Variants in LEMD3 observed in about 807,000 individuals in gnomAD.
LEMD3 encodes the protein LEM domain containing 3.
A neutral mutation model predicts 95.2 loss-of-function variants in LEMD3; 33 were observed. The ratio of observed to expected loss-of-function variants is 0.35; its 90% CI spans 0.26 to 0.46. The LOEUF is 0.46. LEMD3 is among the 20% of genes least tolerant of loss of function. LEMD3 has a pLI of 1.00. For synonymous variants in LEMD3, 525 were observed against 474.6 expected (o/e 1.11, Z -1.38); for missense variants, 1,210 against 1,192.8 (o/e 1.01, Z -0.21).
intron 1 of LEMD3, among the ~76,000 whole-genome samples, chr12:65,177,264 G>A (rs1868751347): frequency 6.6e-6 from 1 of 152,216 alleles, no homozygotes; most frequent in Non-Finnish European, 1.5e-5. Flanking sequence ...GATAGGGTTG[G>A]AGGGAAGGAG....
chr12:65,178,784 G>A (rs1318275350), intron 1 of LEMD3, among the ~76,000 whole-genome samples: 1 of 152,112 alleles, frequency 6.6e-6, no homozygotes, highest in African/African-American at 2.4e-5. Context: ...TCAGACAGTG[G>A]CTCTTAACTG....
At chr12:65,182,082 G>C (rs553257961) in intron 1 of LEMD3, among the ~76,000 whole-genome samples, 1 of 152,250 alleles carries the variant, frequency 6.6e-6, no homozygotes, top group East Asian at 1.9e-4. Flanking sequence ...AAGGTTACAA[G>C]TGATTTGTCC....
At chr12:65,173,135 A>C (rs1440955403) in intron 1 of LEMD3, among the ~76,000 whole-genome samples, 1 of 152,218 alleles carries the variant, frequency 6.6e-6, no homozygotes, top group Non-Finnish European at 1.5e-5. Flanking sequence ...TAGAAAGACC[A>C]TTTTAACACT....
intron 4 of LEMD3, among the ~76,000 whole-genome samples, chr12:65,223,915 A>G (rs988436169): frequency 3.0e-5 from 4 of 131,982 alleles, no homozygotes; most frequent in African/African-American, 5.8e-5. Context: ...TGTGGTTACT[A>G]TTGGGGCTTA....
In LEMD3 at chr12:65,246,997, A is replaced by G. The variant is rs1055275074; in HGVS notation, c.*672A>G. On this transcript the variant is annotated 3_prime_UTR_variant, in exon 13 of 13. Coordinates refer to ENST00000308330, the MANE Select transcript of LEMD3 (RefSeq NM_014319.5). The stretch of plus-strand genomic sequence containing the variant: ...AAGCTTTCCATTTTATTCATAATCT[A>G]ATGTGTGTGTATATATGTATGTGTG... 1.3e-5 allele frequency: 2 copies of G among 154,146 alleles called. No homozygotes were observed. Among genetic ancestry groups the G allele is most frequent in the Admixed American group, 6.5e-5 (1 of 15,466 alleles). 9.5% of individuals were successfully genotyped at this position (154,146 alleles called of 1,614,324 possible). A position where few individuals can be genotyped will look rare whatever the true frequency, so the allele number is the denominator to read the frequency against.
chr12:65,174,676 A>T (rs1868660918), intron 1 of LEMD3, among the ~76,000 whole-genome samples: 1 of 151,922 alleles, frequency 6.6e-6, no homozygotes, highest in Admixed American at 6.6e-5. Context: ...GTGTGTACAG[A>T]TTTTCATTCA....
At chr12:65,240,763 G>A in intron 8 of LEMD3, 146 bp from the exon 9 acceptor site, 2 of 684,718 alleles carry the variant, frequency 2.9e-6, no homozygotes, top group Non-Finnish European at 2.5e-6. Context: ...AATCTGAGAT[G>A]AGATATAGGC....
At chr12:65,209,846 G>A (rs941663197) in intron 1 of LEMD3, among the ~76,000 whole-genome samples, 1 of 151,812 alleles carries the variant, frequency 6.6e-6, no homozygotes, top group Non-Finnish European at 1.5e-5. Context: ...GGGACTTCCT[G>A]TTTTCTCAAA....
intron 1 of LEMD3, among the ~76,000 whole-genome samples, chr12:65,204,465 A>G (rs1393234010): frequency 6.6e-6 from 1 of 152,130 alleles, no homozygotes; most frequent in African/African-American, 2.4e-5. Context: ...TTTGCTGAGG[A>G]TAATGGCCTC....
intron 1 of LEMD3, among the ~76,000 whole-genome samples, chr12:65,173,653 T>G (rs1272042209): frequency 6.6e-6 from 1 of 152,216 alleles, no homozygotes; most frequent in Admixed American, 6.5e-5. Context: ...GGACAAAATT[T>G]GTTGTATTCC....
Position 65,195,361 on chromosome 12 carries a change from C to T in LEMD3, c.1523-15565C>T, listed in dbSNP as rs1049071241. ...ATAGCTCTCATTCTAAAATTTTAGT[C>T]GTGTGCCAGGTCTAAATACAAAACT... On this transcript the variant is annotated intron_variant, in intron 1 of 12. Coordinates refer to ENST00000308330, the MANE Select transcript of LEMD3 (RefSeq NM_014319.5). Among the ~76,000 whole-genome samples, 17 of 151,486 alleles carry T rather than the reference C, an allele frequency of 1.1e-4. No homozygotes were observed. The East Asian group carries it at 1.2e-3, about 10-fold the overall frequency.
intron 1 of LEMD3, among the ~76,000 whole-genome samples, chr12:65,209,738 A>G (rs762130333): frequency 6.6e-6 from 1 of 152,080 alleles, no homozygotes; most frequent in Admixed American, 6.6e-5. Context: ...CCTTATGATG[A>G]TAACAGGATA....
Position 65,170,953 on chromosome 12 carries a change from C to A in LEMD3, c.1357C>A (p.Leu453Ile). 6.2e-7 allele frequency: 1 copy of A among 1,614,232 alleles called. No homozygotes were observed. Among genetic ancestry groups the A allele is most frequent in the South Asian group, 1.1e-5 (1 of 91,092 alleles). ...KPKLSEPEEE[L>I]LQQFKREEVS... ...GAAGCTTTCCGAACCCGAAGAGGAACTTCTCCAGCAATTTAAACGGGAGGA... is the reference window on the plus strand; with the variant it reads ...GAAGCTTTCCGAACCCGAAGAGGAAATTCTCCAGCAATTTAAACGGGAGGA... Residue 453 changes from leucine (L) to isoleucine (I), a missense_variant, in exon 1 of 13, where the codon CTT (leucine) becomes ATT (isoleucine). Leu to Ile is a conservative substitution (Grantham distance 5, BLOSUM62 2). This residue lies in a region of LEMD3 where 461 missense variants were observed against 569.8 expected (regional missense o/e 0.81). Transcript: ENST00000308330.
chr12:65,185,696 A>G, intron 1 of LEMD3, among the ~76,000 whole-genome samples: 1 of 150,830 alleles, frequency 6.6e-6, no homozygotes, highest in Non-Finnish European at 1.5e-5. Flanking sequence ...TAATATATAT[A>G]GCATTTATTT....
intron 4 of LEMD3, among the ~76,000 whole-genome samples, chr12:65,223,656 CT>C (rs988017016): frequency 6.8e-5 from 10 of 147,144 alleles, no homozygotes; most frequent in Middle Eastern, 3.4e-3. Flanking sequence ...AAAATTGGAG[CT>C]TTTTTTTTTA....
chr12:65,206,681 T>C (rs1305969596), intron 1 of LEMD3, among the ~76,000 whole-genome samples: 1 of 152,064 alleles, frequency 6.6e-6, no homozygotes, highest in Non-Finnish European at 1.5e-5. Context: ...ACGGGATACT[T>C]TATATTTTTA....
chr12:65,199,139 T>A (rs1396955355), intron 1 of LEMD3, among the ~76,000 whole-genome samples: 1 of 152,144 alleles, frequency 6.6e-6, no homozygotes, highest in African/African-American at 2.4e-5. Flanking sequence ...TCTCTTAGAT[T>A]AAACTTTTTT....
intron 10 of LEMD3, 128 bp from the exon 11 acceptor site, chr12:65,245,541 C>A: frequency 1.4e-6 from 1 of 721,620 alleles, no homozygotes; most frequent in Non-Finnish European, 2.5e-6. Flanking sequence ...TTACTTAATA[C>A]CAATTAAAAT....
At chr12:65,175,510 A>G (rs1326513159) in intron 1 of LEMD3, among the ~76,000 whole-genome samples, 2 of 152,116 alleles carry the variant, frequency 1.3e-5, no homozygotes, top group Non-Finnish European at 2.9e-5. Flanking sequence ...CCAGTTACTC[A>G]ATTTTCAAAT....
Sources: gnomAD v4.1 joint callset for allele counts (sites outside exome capture counted in the v4.1 genomes callset) on GRCh38, gnomAD v4.1.1 for gene constraint, gnomAD v4.1.1 regional missense constraint, MANE v1.5 for transcripts, NCBI Gene and HGNC (gene_info 2026-07-23, HGNC 2026-07-21) for gene names.